The following TTC28 variants were observed in gnomAD, a reference collection of about 807,000 sequenced individuals.
TTC28 encodes the protein tetratricopeptide repeat domain 28.
In TTC28, 61 loss-of-function variants were observed where a neutral mutation model predicts 198.0. That is an observed-to-expected ratio of 0.31 (90% CI 0.25 to 0.38). The LOEUF is 0.38. TTC28 is among the 10% of genes least tolerant of loss of function. TTC28 has a pLI of 1.00. For missense variants in TTC28, 2,678 were observed against 3,164.0 expected, an observed-to-expected ratio of 0.85 and a Z score of 3.69; for synonymous variants, 1,171 against 1,297.8, an observed-to-expected ratio of 0.90 and a Z score of 2.10.
In TTC28 at chr22:28,105,291, A is replaced by T. The variant is rs1287129576; in HGVS notation, c.3295T>A (p.Tyr1099Asn). The T allele has an allele frequency of 6.4e-7, 1 of 1,551,630 alleles. No homozygotes were observed. Among genetic ancestry groups the T allele is most frequent in the Admixed American group, 2.0e-5 (1 of 51,000 alleles). Reference protein sequence around the residue: ...ALQNYSQAVMYLQEGLRLAEQ... With the variant: ...ALQNYSQAVMNLQEGLRLAEQ... Reference sequence around the variant, plus strand: ...CCTTTTCACCTACCTTCCTGTAAGTACATGACTGCTTGGGAATAGTTCTGC... The same window carrying T: ...CCTTTTCACCTACCTTCCTGTAAGTTCATGACTGCTTGGGAATAGTTCTGC... The change falls in exon 8 of 23, where the codon TAC (tyrosine) becomes AAC (asparagine). Residue 1099 changes from tyrosine (Y) to asparagine (N), a missense_variant. Physicochemically the swap from Tyr to Asn is moderately radical, Grantham distance 143. Around this residue, in one of 8 missense-constraint regions of TTC28, gnomAD observed 727 missense variants for 861.9 expected, o/e 0.84. Coordinates refer to ENST00000397906, the MANE Select transcript of TTC28 (RefSeq NM_001145418.2).
intron 2 of TTC28, among the ~76,000 whole-genome samples, chr22:28,411,142 TA>T (rs2047074956): frequency 1.3e-5 from 2 of 152,234 alleles, no homozygotes; most frequent in South Asian, 2.1e-4. Context: ...CAGTAGGTAT[TA>T]TTTTTTAAAA....
intron 2 of TTC28, among the ~76,000 whole-genome samples, chr22:28,605,149 G>A (rs1027741345): frequency 6.6e-6 from 1 of 152,066 alleles, no homozygotes; most frequent in Non-Finnish European, 1.5e-5. Context: ...CACTTCCTAA[G>A]GACACAGCAT....
At chr22:28,078,875 C>G (rs1351222094) in intron 12 of TTC28, among the ~76,000 whole-genome samples, 1 of 152,176 alleles carries the variant, frequency 6.6e-6, no homozygotes, top group South Asian at 2.1e-4. Flanking sequence ...CCAGTCACAA[C>G]AAGAGCAGGG....
intron 2 of TTC28, among the ~76,000 whole-genome samples, chr22:28,543,410 AG>A: frequency 6.6e-6 from 1 of 151,556 alleles, no homozygotes; most frequent in East Asian, 1.9e-4. Flanking sequence ...ATGAAGATGA[AG>A]ATGAAGAAGA....
At chr22:27,992,454 C>T in intron 19 of TTC28, 133 bp downstream of exon 19, 1 of 934,924 alleles carries the variant, frequency 1.1e-6, no homozygotes, top group Non-Finnish European at 1.6e-6. Context: ...TCCCGGCCCT[C>T]ACCTTCTCCT....
At chr22:28,386,533 G>A (rs1239881016) in intron 2 of TTC28, among the ~76,000 whole-genome samples, 2 of 152,112 alleles carry the variant, frequency 1.3e-5, no homozygotes, top group South Asian at 4.1e-4. Context: ...CTCAACAACA[G>A]ATGAGAAAGC....
At chr22:28,298,508 CATA>C (rs1569246176) in intron 3 of TTC28, among the ~76,000 whole-genome samples, 1 of 152,050 alleles carries the variant, frequency 6.6e-6, no homozygotes, top group African/African-American at 2.4e-5. Flanking sequence ...AGTGCAGTGG[CATA>C]ATCGTGGCTC....
At chr22:28,165,600 A>G (rs538119167) in intron 5 of TTC28, among the ~76,000 whole-genome samples, 83 of 152,310 alleles carry the variant, frequency 5.4e-4, no homozygotes, top group Non-Finnish European at 1.0e-3. Context: ...TGAAGGAGAA[A>G]TAAAATCCTT....
chr22:28,458,606 G>C (rs2047899821), intron 2 of TTC28, among the ~76,000 whole-genome samples: 1 of 152,134 alleles, frequency 6.6e-6, no homozygotes, highest in African/African-American at 2.4e-5. Flanking sequence ...AATAGGCTGG[G>C]CATGGTGGCT....
At chr22:28,011,127 G>A (rs1242720223) in intron 14 of TTC28, among the ~76,000 whole-genome samples, 1 of 152,080 alleles carries the variant, frequency 6.6e-6, no homozygotes, top group African/African-American at 2.4e-5. Context: ...AAATGACATG[G>A]TGTTTCCATT....
At chr22:28,538,313 C>A (rs533859314) in intron 2 of TTC28, among the ~76,000 whole-genome samples, 7 of 151,226 alleles carry the variant, frequency 4.6e-5, no homozygotes, top group African/African-American at 1.4e-4. Context: ...GTCTCGAACT[C>A]CTTGACTCAA....
chr22:28,271,710 T>C (rs1932087795), intron 5 of TTC28, among the ~76,000 whole-genome samples: 1 of 152,126 alleles, frequency 6.6e-6, no homozygotes, highest in East Asian at 1.9e-4. Flanking sequence ...GTTCAAACAA[T>C]TCTCCAGCCT....
intron 12 of TTC28, among the ~76,000 whole-genome samples, chr22:28,040,180 C>A (rs1939558143): frequency 6.6e-6 from 1 of 152,176 alleles, no homozygotes; most frequent in Non-Finnish European, 1.5e-5. Context: ...TGGTACCATT[C>A]AGTCTGAAAC....
intron 2 of TTC28, among the ~76,000 whole-genome samples, chr22:28,552,835 G>A (rs779387466): frequency 3.2e-4 from 44 of 135,652 alleles, no homozygotes; most frequent in Non-Finnish European, 5.9e-4. Context: ...CTCTGATGCC[G>A]AGCCAAAGCT....
intron 6 of TTC28, among the ~76,000 whole-genome samples, chr22:28,115,793 G>A (rs1344159347): frequency 2.6e-5 from 4 of 152,166 alleles, no homozygotes; most frequent in Non-Finnish European, 4.4e-5. Flanking sequence ...CAGCAGTTTA[G>A]GATGTCTTCA....
intron 1 of TTC28, among the ~76,000 whole-genome samples, chr22:28,673,355 C>CA (rs2051921453): frequency 6.6e-6 from 1 of 151,946 alleles, no homozygotes; most frequent in South Asian, 2.1e-4. Flanking sequence ...GCCTGGGCGA[C>CA]AGAGACTCCG....
At chr22:28,259,070 A>G (rs1282844681) in intron 5 of TTC28, among the ~76,000 whole-genome samples, 1 of 152,184 alleles carries the variant, frequency 6.6e-6, no homozygotes, top group African/African-American at 2.4e-5. Context: ...GTTGTCTATC[A>G]GTGGGGAAGT....
intron 5 of TTC28, among the ~76,000 whole-genome samples, chr22:28,218,287 C>A (rs543418962): frequency 1.6e-4 from 24 of 152,194 alleles, no homozygotes; most frequent in East Asian, 3.9e-4. Flanking sequence ...GGCTACAGAT[C>A]TTCCAAATGT....
At chr22:28,436,303 A>ACATT (rs764169313) in intron 2 of TTC28, among the ~76,000 whole-genome samples, 20 of 152,354 alleles carry the variant, frequency 1.3e-4, no homozygotes, top group Middle Eastern at 3.4e-3. Flanking sequence ...CATCATTTAT[A>ACATT]CATTCATTCA....
Sources: allele counts gnomAD v4.1 joint callset (sites outside exome capture counted in the v4.1 genomes callset), GRCh38; gene constraint gnomAD v4.1.1; regional missense constraint gnomAD v4.1.1; transcripts MANE v1.5; gene names NCBI Gene and HGNC (gene_info 2026-07-23, HGNC 2026-07-21).